Variants in IL1RAPL2 observed in about 807,000 individuals in gnomAD.
IL1RAPL2 encodes interleukin 1 receptor accessory protein like 2.
A neutral mutation model predicts 44.1 loss-of-function variants in IL1RAPL2; 3 were observed. The ratio of observed to expected loss-of-function variants is 0.07; its 90% CI spans 0.03 to 0.18. IL1RAPL2 has a LOEUF of 0.18. IL1RAPL2 is among the 10% of genes least tolerant of loss of function. The pLI is 1.00. For missense variants in IL1RAPL2, 391 were observed against 496.4 expected, an observed-to-expected ratio of 0.79 and a Z score of 2.02; for synonymous variants, 181 against 178.8, an observed-to-expected ratio of 1.01 and a Z score of -0.10.
intron 2 of IL1RAPL2, among the ~76,000 whole-genome samples, chrX:104,897,349 G>A (rs778635227): frequency 5.4e-5 from 6 of 112,146 alleles, no homozygotes; most frequent in South Asian, 3.7e-4. Flanking sequence ...GGTCTTTGTC[G>A]TATCATGATG....
intron 1 of IL1RAPL2, among the ~76,000 whole-genome samples, chrX:104,656,705 G>C (rs1235861894): frequency 9.0e-6 from 1 of 111,625 alleles, no homozygotes; most frequent in East Asian, 2.8e-4. Flanking sequence ...TTGGTGCAGA[G>C]CTGAGTTCAA....
chrX:105,513,620 G>A, intron 6 of IL1RAPL2, among the ~76,000 whole-genome samples: 1 of 111,307 alleles, frequency 9.0e-6, no homozygotes, highest in Non-Finnish European at 1.9e-5. Flanking sequence ...GGGGTTGTTT[G>A]TTTTTTTCTT....
At chrX:105,534,851 A>T (rs1234055408) in intron 6 of IL1RAPL2, among the ~76,000 whole-genome samples, 1 of 112,161 alleles carries the variant, frequency 8.9e-6, no homozygotes, top group Admixed American at 9.4e-5. Context: ...CTCATACCTT[A>T]TACAGTAGTT....
intron 6 of IL1RAPL2, among the ~76,000 whole-genome samples, chrX:105,532,775 CAT>C (rs758499115): frequency 8.1e-5 from 9 of 111,253 alleles, no homozygotes; most frequent in East Asian, 2.8e-4. Context: ...AAAAAATAAA[CAT>C]GTGTTACATA....
chrX:105,564,792 A>G (rs2036962944), intron 6 of IL1RAPL2, among the ~76,000 whole-genome samples: 1 of 112,078 alleles, frequency 8.9e-6, no homozygotes, highest in African/African-American at 3.2e-5. Flanking sequence ...CTGGATGAGC[A>G]GAAAATATGC....
chrX:105,058,230 C>T (rs1373913696), intron 2 of IL1RAPL2, among the ~76,000 whole-genome samples: 1 of 110,594 alleles, frequency 9.0e-6, no homozygotes, highest in Non-Finnish European at 1.9e-5. Context: ...GGATTACAGG[C>T]GTGACTCACC....
chrX:105,270,732 T>C (rs1264724195), intron 5 of IL1RAPL2, among the ~76,000 whole-genome samples: 1 of 111,791 alleles, frequency 8.9e-6, no homozygotes, highest in Non-Finnish European at 1.9e-5. Context: ...GTATGCTCAA[T>C]AATATGAAAA....
At chrX:104,781,578 C>T (rs1252366986) in intron 2 of IL1RAPL2, among the ~76,000 whole-genome samples, 1 of 111,764 alleles carries the variant, frequency 8.9e-6, no homozygotes, top group Non-Finnish European at 1.9e-5. Flanking sequence ...TTAGGAATGC[C>T]CCTCATCTGC....
chrX:104,971,334 C>T (rs1245834149), intron 2 of IL1RAPL2, among the ~76,000 whole-genome samples: 2 of 111,026 alleles, frequency 1.8e-5, no homozygotes, highest in African/African-American at 3.3e-5. Context: ...GGTGACAGAG[C>T]GAGACTCTGT....
At chrX:105,418,124 C>T (rs185093543) in intron 5 of IL1RAPL2, among the ~76,000 whole-genome samples, 13 of 110,545 alleles carry the variant, frequency 1.2e-4, no homozygotes, top group African/African-American at 3.9e-4. Flanking sequence ...AATGTGAACT[C>T]CAAAAAGAGT....
intron 1 of IL1RAPL2, among the ~76,000 whole-genome samples, chrX:104,611,234 T>C (rs1021706878): frequency 3.6e-5 from 4 of 111,542 alleles, no homozygotes; most frequent in Non-Finnish European, 7.5e-5. Flanking sequence ...CTGGGATGTT[T>C]AAGTCTTCAG....
chrX:104,998,733 C>T (rs1220134111), intron 2 of IL1RAPL2, among the ~76,000 whole-genome samples: 1 of 111,577 alleles, frequency 9.0e-6, no homozygotes. Context: ...CACCACTGCA[C>T]TCCAGTCTGG....
chrX:105,063,178 C>T (rs1002465163), intron 2 of IL1RAPL2, among the ~76,000 whole-genome samples: 2 of 111,655 alleles, frequency 1.8e-5, no homozygotes, highest in Non-Finnish European at 3.8e-5. Context: ...TCTCCTCAAG[C>T]TCACTAATTA....
intron 1 of IL1RAPL2, among the ~76,000 whole-genome samples, chrX:104,624,147 T>G (rs1414669610): frequency 2.7e-5 from 3 of 111,938 alleles, no homozygotes; most frequent in Non-Finnish European, 3.8e-5. Context: ...TTCTTTCTTT[T>G]TGACAAAAAA....
intron 2 of IL1RAPL2, among the ~76,000 whole-genome samples, chrX:105,014,859 T>C (rs908787812): frequency 8.9e-6 from 1 of 112,094 alleles, no homozygotes; most frequent in African/African-American, 3.2e-5. Flanking sequence ...CAAATGGTAT[T>C]TCTGGTTCTA....
chrX:105,750,222 CTTTT>C (rs751878067), intron 9 of IL1RAPL2, among the ~76,000 whole-genome samples: 1 of 92,647 alleles, frequency 1.1e-5, no homozygotes, highest in African/African-American at 3.9e-5. Flanking sequence ...TACAGAAATT[CTTTT>C]TTTTTTGTTA....
chrX:104,872,781 A>T (rs1291811940), intron 2 of IL1RAPL2, among the ~76,000 whole-genome samples: 1 of 111,212 alleles, frequency 9.0e-6, no homozygotes, highest in African/African-American at 3.3e-5. Flanking sequence ...CATCTGTGAA[A>T]CCACTCCAGA....
chrX:105,470,332 G>C (rs1460031460), intron 5 of IL1RAPL2, among the ~76,000 whole-genome samples: 1 of 111,796 alleles, frequency 8.9e-6, no homozygotes, highest in Non-Finnish European at 1.9e-5. Context: ...AGTTAGAAAA[G>C]GTAACAGAAT....
intron 2 of IL1RAPL2, among the ~76,000 whole-genome samples, chrX:105,174,410 AAAC>A (rs1373100474): frequency 1.8e-5 from 2 of 111,364 alleles, no homozygotes; most frequent in Non-Finnish European, 3.8e-5. Flanking sequence ...AAACAGACAT[AAAC>A]AACTGGCTGT....
Sources: gnomAD v4.1 joint callset for allele counts (sites outside exome capture counted in the v4.1 genomes callset) on GRCh38, gnomAD v4.1.1 for gene constraint, MANE v1.5 for transcripts, NCBI Gene and HGNC (gene_info 2026-07-23, HGNC 2026-07-21) for gene names.